Variants in PLEKHA6 observed in about 807,000 individuals in gnomAD.
PLEKHA6 encodes the protein pleckstrin homology domain-containing family A member 6.
A neutral mutation model predicts 116.7 loss-of-function variants in PLEKHA6; 60 were observed. The observed-to-expected ratio is 0.51, with a 90% CI of 0.42 to 0.64. The LOEUF (loss-of-function observed/expected upper bound fraction) is 0.64. PLEKHA6 is among the 30% of genes least tolerant of loss of function. The probability of loss-of-function intolerance (pLI) is 0.00; values close to 1 mark genes in which losing one functional copy is unlikely to be tolerated. For missense variants in PLEKHA6, 1,338 were observed against 1,422.7 expected, an observed-to-expected ratio of 0.94 and a Z score of 0.96; for synonymous variants, 489 against 556.1, an observed-to-expected ratio of 0.88 and a Z score of 1.70.
Position 204,308,687 on chromosome 1 carries a change from C to CTTTCTTTTT in PLEKHA6, c.-94-33879_-94-33878insAAAAAGAAA, listed in dbSNP as rs775770952. 9.2e-4 allele frequency among the ~76,000 whole-genome samples: 75 copies of CTTTCTTTTT among 81,404 alleles called. 2 individuals are homozygous for CTTTCTTTTT. The South Asian group carries it at 0.032, about 34-fold the overall frequency. The allele number at this position is 81,404 out of a possible 152,430, so 53.4% of individuals were successfully genotyped here. ...CAAGAAGGTAATTCTTTTTCTTTTT[C>CTTTCTTTTT]TTTTTTTTTTTTTTTTTTTTTGAGA... On this transcript the variant is annotated intron_variant, in intron 1 of 22. Coordinates refer to ENST00000272203, the MANE Select transcript of PLEKHA6 (RefSeq NM_014935.5).
chr1:204,263,137 C>T lies in PLEKHA6; in HGVS notation c.382-1689G>A, dbSNP rs540903480. Among the ~76,000 whole-genome samples the T allele has an allele frequency of 3.3e-5, 5 of 152,254 alleles. No individual in the cohort carries two copies. In the East Asian group the frequency reaches 7.7e-4, roughly 24 times the overall value. ...CAGTCACGCTGGGGGACAAAACATG[C>T]CGCGGGAAACAAGGAGAGAGCAGAG... On this transcript the variant is annotated intron_variant, in intron 6 of 22. Transcript: ENST00000272203.
intron 1 of PLEKHA6, among the ~76,000 whole-genome samples, chr1:204,355,692 G>C (rs571191907): frequency 6.6e-6 from 1 of 151,978 alleles, no homozygotes; most frequent in African/African-American, 2.4e-5. Flanking sequence ...CACCCGCTTC[G>C]GCCTCCCAAA....
chr1:204,319,923 A>G (rs10900579), intron 1 of PLEKHA6, among the ~76,000 whole-genome samples: 111,550 of 151,836 alleles, frequency 0.73, 41,502 homozygotes, highest in Middle Eastern at 0.81. Context: ...GTCATCTCAA[A>G]CCAGTTCAAT....
At chr1:204,241,613 G>A (rs1662830072) in intron 16 of PLEKHA6, 72 bp downstream of exon 16, 1 of 1,490,088 alleles carries the variant, frequency 6.7e-7, no homozygotes, top group South Asian at 1.3e-5. Context: ...GGTTTTGGGT[G>A]TGAATGAGCA....
chr1:204,330,604 A>G (rs1303718874), intron 1 of PLEKHA6, among the ~76,000 whole-genome samples: 1 of 152,212 alleles, frequency 6.6e-6, no homozygotes, highest in Non-Finnish European at 1.5e-5. Context: ...GCTCTGGAGA[A>G]CTTGTAGAGA....
At chr1:204,368,109 C>T (rs1402300450) in intron 2 of PLEKHA6, among the ~76,000 whole-genome samples, 4 of 152,164 alleles carry the variant, frequency 2.6e-5, no homozygotes, top group African/African-American at 9.7e-5. Flanking sequence ...GTGAAGTGAC[C>T]GAATGAATCA....
chr1:204,285,116 C>T (rs756979922), intron 1 of PLEKHA6, among the ~76,000 whole-genome samples: 73 of 152,316 alleles, frequency 4.8e-4, no homozygotes, highest in Admixed American at 5.9e-4. Context: ...GGTTACCATA[C>T]GGGACAGAAT....
chr1:204,282,201 AG>A (rs1478252051), intron 1 of PLEKHA6, among the ~76,000 whole-genome samples: 1 of 152,102 alleles, frequency 6.6e-6, no homozygotes, highest in Non-Finnish European at 1.5e-5. Context: ...GGTGTACTTC[AG>A]TCAGGGTAAC....
intron 1 of PLEKHA6, among the ~76,000 whole-genome samples, chr1:204,291,433 C>CA (rs1219255645): frequency 4.0e-5 from 6 of 151,626 alleles, no homozygotes; most frequent in African/African-American, 9.7e-5. Flanking sequence ...GGCATTTACC[C>CA]AAAAAAAAGG....
intron 9 of PLEKHA6, among the ~76,000 whole-genome samples, chr1:204,252,980 T>C (rs1163471822): frequency 6.6e-6 from 1 of 152,190 alleles, no homozygotes; most frequent in Admixed American, 6.5e-5. Context: ...TGCTGCGGCT[T>C]TGGGGATCTT....
At chr1:204,307,617 T>C (rs139146590) in intron 1 of PLEKHA6, among the ~76,000 whole-genome samples, 12 of 152,334 alleles carry the variant, frequency 7.9e-5, no homozygotes, top group Middle Eastern at 6.8e-3. Flanking sequence ...GGCCAAGTCC[T>C]ATATAAACAC....
intron 1 of PLEKHA6, among the ~76,000 whole-genome samples, chr1:204,321,417 G>A (rs1161478448): frequency 2.0e-5 from 3 of 151,618 alleles, no homozygotes; most frequent in African/African-American, 7.3e-5. Flanking sequence ...TTCACAGGCT[G>A]GCCCACCTTC....
At chr1:204,226,155 C>T (rs981253301) in intron 21 of PLEKHA6, among the ~76,000 whole-genome samples, 24 of 152,246 alleles carry the variant, frequency 1.6e-4, no homozygotes, top group African/African-American at 5.5e-4. Flanking sequence ...CTTGCTGTGC[C>T]TGGCAGAGCT....
At chr1:204,262,515 C>G (rs1666253848) in intron 6 of PLEKHA6, among the ~76,000 whole-genome samples, 1 of 152,126 alleles carries the variant, frequency 6.6e-6, no homozygotes, top group South Asian at 2.1e-4. Context: ...CAGGGGACAT[C>G]TAGCAGTGAT....
At chr1:204,282,305 A>G (rs1668711524) in intron 1 of PLEKHA6, among the ~76,000 whole-genome samples, 1 of 152,144 alleles carries the variant, frequency 6.6e-6, no homozygotes, top group African/African-American at 2.4e-5. Context: ...CTCCCACCCT[A>G]GCTTGGTTCA....
intron 1 of PLEKHA6, among the ~76,000 whole-genome samples, chr1:204,344,525 G>A (rs1052447587): frequency 6.6e-6 from 1 of 150,934 alleles, no homozygotes; most frequent in Non-Finnish European, 1.5e-5. Flanking sequence ...GCTTGAACCC[G>A]GGAGGCAGAG....
chr1:204,329,743 C>A (rs576639038), intron 1 of PLEKHA6, among the ~76,000 whole-genome samples: 2 of 152,048 alleles, frequency 1.3e-5, no homozygotes, highest in Non-Finnish European at 2.9e-5. Flanking sequence ...AAATCCAGAA[C>A]GTGAAAAACT....
intron 1 of PLEKHA6, among the ~76,000 whole-genome samples, chr1:204,297,391 A>C (rs1175670097): frequency 6.6e-6 from 1 of 152,240 alleles, no homozygotes; most frequent in Non-Finnish European, 1.5e-5. Context: ...GCACATGGCT[A>C]CAAAGGACAA....
At chr1:204,326,859 A>T (rs1558183157) in intron 1 of PLEKHA6, 1 of 409,670 alleles carries the variant, frequency 2.4e-6, no homozygotes. Flanking sequence ...ACTGCCTTTC[A>T]TCATCCTTAG....
Sources: gnomAD v4.1 joint callset for allele counts (sites outside exome capture counted in the v4.1 genomes callset) on GRCh38, gnomAD v4.1.1 for gene constraint, MANE v1.5 for transcripts, NCBI Gene and HGNC (gene_info 2026-07-23, HGNC 2026-07-21) for gene names.